The following TRIO variants were observed in gnomAD, a reference collection of about 807,000 sequenced individuals.
The protein encoded by TRIO is trio Rho guanine nucleotide exchange factor, also known as triple functional domain protein.
A neutral mutation model predicts 351.9 loss-of-function variants in TRIO; 58 were observed. The ratio of observed to expected loss-of-function variants is 0.16; its 90% confidence interval spans 0.13 to 0.21. The LOEUF (loss-of-function observed/expected upper bound fraction) is 0.21. Ranked by LOEUF, TRIO falls within the 10% of genes least tolerant of loss-of-function variation. TRIO has a pLI of 1.00. For synonymous variants in TRIO, 1,758 were observed against 1,595.7 expected, an observed-to-expected ratio of 1.10 and a Z score of -2.42; for missense variants, 3,201 against 4,027.8, an observed-to-expected ratio of 0.79 and a Z score of 5.56.
intron 48 of TRIO, among the ~76,000 whole-genome samples, chr5:14,491,452 AG>A (rs1200819478): frequency 6.6e-6 from 1 of 152,236 alleles, no homozygotes; most frequent in East Asian, 1.9e-4. Context: ...ACGAGGCACC[AG>A]ATGCCGTTTC....
intron 7 of TRIO, among the ~76,000 whole-genome samples, chr5:14,300,932 C>G (rs994095057): frequency 2.0e-5 from 3 of 152,154 alleles, no homozygotes; most frequent in African/African-American, 7.2e-5. Flanking sequence ...CCCTTTGTCT[C>G]CTAAGTCCAG....
At chr5:14,223,460 A>G (rs1353906062) in intron 1 of TRIO, among the ~76,000 whole-genome samples, 3 of 152,200 alleles carry the variant, frequency 2.0e-5, no homozygotes, top group Non-Finnish European at 4.4e-5. Context: ...AAGTTGCATC[A>G]CAGCCATGTC....
chr5:14,481,327 C>G (rs1369973762), intron 44 of TRIO, 43 bp downstream of exon 44: 1 of 1,607,706 alleles, frequency 6.2e-7, no homozygotes, highest in Non-Finnish European at 8.5e-7. Context: ...CCCCACCAGC[C>G]TCTTTTCCTA....
chr5:14,482,285 G>GA, intron 45 of TRIO: 1 of 198,202 alleles, frequency 5.0e-6, no homozygotes, highest in Non-Finnish European at 1.0e-5. Flanking sequence ...GCGACCCAGG[G>GA]ACCACACTTT....
rs114288450 is a variant in TRIO at position 14,362,381 on chromosome 5, G to A, written c.2392-1351G>A. ...TTGACAGTCATTTCTTATTGTCATC[G>A]ACTCCCAGCGTGTTCGGATTGATGT... On this transcript the variant is annotated intron_variant, in intron 13 of 56. Coordinates refer to ENST00000344204, the MANE Select transcript of TRIO (RefSeq NM_007118.4). Among the ~76,000 whole-genome samples, 642 of 152,100 alleles carry A rather than the reference G, an allele frequency of 4.2e-3. 5 individuals are homozygous for A. The highest frequency in any genetic ancestry group is 0.015 in the African/African-American group (621 of 41,462).
At chr5:14,465,515 A>T in intron 36 of TRIO, 30 bp from the exon 37 acceptor site, 1 of 1,587,864 alleles carries the variant, frequency 6.3e-7, no homozygotes, top group South Asian at 1.1e-5. Flanking sequence ...CCCTTGCCCC[A>T]CCCCCTCCTT....
chr5:14,221,026 G>A (rs371950013), intron 1 of TRIO, among the ~76,000 whole-genome samples: 2 of 152,192 alleles, frequency 1.3e-5, no homozygotes, highest in East Asian at 1.9e-4. Flanking sequence ...CTTTCTTGTT[G>A]GGGGCTAATG....
At chr5:14,150,443 TTAACTG>T (rs1019146135) in intron 1 of TRIO, among the ~76,000 whole-genome samples, 6 of 151,966 alleles carry the variant, frequency 3.9e-5, no homozygotes, top group African/African-American at 1.5e-4. Context: ...CACACACCGT[TTAACTG>T]TATATGTTAT....
chr5:14,439,354 C>G (rs909686886), intron 34 of TRIO, among the ~76,000 whole-genome samples: 1 of 152,200 alleles, frequency 6.6e-6, no homozygotes, highest in African/African-American at 2.4e-5. Context: ...AGGGAAATTT[C>G]CCATACATCT....
rs113086594 is a variant in TRIO, at chr5:14,327,393, A to G, written c.1732-3385A>G. Among the ~76,000 whole-genome samples the G allele has an allele frequency of 3.6e-4, 55 of 152,278 alleles. 1 individual carries two copies. Among genetic ancestry groups the G allele is most frequent in the African/African-American group, 1.3e-3 (54 of 41,542 alleles). On this transcript the variant is annotated intron_variant, in intron 9 of 56. Coordinates refer to ENST00000344204, the MANE Select transcript of TRIO (RefSeq NM_007118.4). ...TGACCAGGCGGGTCTCAAACTCCTG[A>G]CCTCAGGTGATCTGCCCACCTTGGC... is the stretch of plus-strand genomic sequence containing the variant.
intron 1 of TRIO, among the ~76,000 whole-genome samples, chr5:14,226,744 G>C (rs1793061244): frequency 6.6e-6 from 1 of 152,224 alleles, no homozygotes; most frequent in African/African-American, 2.4e-5. Flanking sequence ...TGCTAACCCA[G>C]CACCCTGAAA....
intron 34 of TRIO, among the ~76,000 whole-genome samples, chr5:14,442,168 G>A (rs1287629564): frequency 6.6e-6 from 1 of 152,218 alleles, no homozygotes; most frequent in African/African-American, 2.4e-5. Context: ...ATGCCAGCAG[G>A]AATGCTCTCT....
chr5:14,443,981 A>G (rs1287218250), intron 34 of TRIO, among the ~76,000 whole-genome samples: 1 of 152,184 alleles, frequency 6.6e-6, no homozygotes, highest in Non-Finnish European at 1.5e-5. Flanking sequence ...CCCTGACTCA[A>G]GCTCAGGAAA....
intron 48 of TRIO, among the ~76,000 whole-genome samples, chr5:14,491,932 C>G (rs539388273): frequency 6.6e-6 from 1 of 152,178 alleles, no homozygotes; most frequent in Non-Finnish European, 1.5e-5. Context: ...CTAGCAAGTT[C>G]GTATTGCTGG....
chr5:14,446,643 G>A (rs942536531), intron 34 of TRIO, among the ~76,000 whole-genome samples: 1 of 152,142 alleles, frequency 6.6e-6, no homozygotes, highest in South Asian at 2.1e-4. Flanking sequence ...CAGTCTGTGC[G>A]ACATGTCTTC....
intron 40 of TRIO, among the ~76,000 whole-genome samples, chr5:14,475,792 A>G (rs1216694905): frequency 6.6e-6 from 1 of 152,186 alleles, no homozygotes; most frequent in Non-Finnish European, 1.5e-5. Context: ...TGTTTCTGGG[A>G]TGACCAGACA....
Position 14,487,453 on chromosome 5 carries a change from T to C in TRIO, c.6836-11T>C. 1 of 1,097,974 alleles carries C rather than the reference T, an allele frequency of 9.1e-7. No homozygotes were observed. Among genetic ancestry groups the C allele is most frequent in the Non-Finnish European group, 1.1e-6 (1 of 884,420 alleles). 68.0% of individuals were successfully genotyped at this position (1,097,974 alleles called of 1,614,324 possible). A position where few individuals can be genotyped will look rare whatever the true frequency, so the allele number is the denominator to read the frequency against. On this transcript the variant is annotated splice_polypyrimidine_tract_variant and intron_variant, in intron 47 of 56. Coordinates refer to ENST00000344204, the MANE Select transcript of TRIO (RefSeq NM_007118.4). ...CCCTGACCCAGTCTCTCCCGCTGTC[T>C]TGTCTTACAGCCTTGACATCGCCAA...
chr5:14,437,436 G>A (rs1191206712), intron 34 of TRIO, among the ~76,000 whole-genome samples: 1 of 152,170 alleles, frequency 6.6e-6, no homozygotes, highest in East Asian at 1.9e-4. Flanking sequence ...TTGGAGTATA[G>A]TACCCCTCAC....
At chr5:14,346,556 C>T (rs1742433882) in intron 11 of TRIO, among the ~76,000 whole-genome samples, 1 of 152,222 alleles carries the variant, frequency 6.6e-6, no homozygotes, top group African/African-American at 2.4e-5. Context: ...GGATTTCACG[C>T]ATTACTCAGA....
Sources: gnomAD v4.1 joint callset for allele counts (sites outside exome capture counted in the v4.1 genomes callset) on GRCh38, gnomAD v4.1.1 for gene constraint, MANE v1.5 for transcripts, NCBI Gene and HGNC (gene_info 2026-07-23, HGNC 2026-07-21) for gene names.